Variants in RAB5C observed in about 807,000 individuals in gnomAD.
The protein encoded by RAB5C is ras-related protein Rab-5C.
Under a neutral mutation model 25.2 loss-of-function variants are expected in RAB5C, and 4 were observed. The ratio of observed to expected loss-of-function variants is 0.16; its 90% CI spans 0.08 to 0.36. RAB5C has a LOEUF of 0.36. RAB5C is among the 10% of genes least tolerant of loss of function. RAB5C has a pLI of 1.00. For missense variants in RAB5C, 199 were observed against 283.8 expected (o/e 0.70, Z 2.15); for synonymous variants, 100 against 106.4 (o/e 0.94, Z 0.37).
chr17:42,125,634 A>G lies in RAB5C; in HGVS notation c.*149T>C. On this transcript the variant is annotated 3_prime_UTR_variant, in exon 6 of 6. Transcript: ENST00000346213. ...CAGGTGGAATGACTCACTCCGGCCT[A>G]TGATCAAAATTATATGGAGAAATCA... 1 of 598,018 alleles carries G rather than the reference A, an allele frequency of 1.7e-6. No homozygotes were observed. Among genetic ancestry groups the G allele is most frequent in the East Asian group, 2.8e-5 (1 of 35,698 alleles). 37.0% of individuals were successfully genotyped at this position (598,018 alleles called of 1,614,324 possible).
chr17:42,140,261 C>T (rs1485891440), intron 1 of RAB5C, among the ~76,000 whole-genome samples: 1 of 152,002 alleles, frequency 6.6e-6, no homozygotes, highest in African/African-American at 2.4e-5. Flanking sequence ...AAATCACTGC[C>T]CCTTTGTTTT....
rs200190483 is a variant in RAB5C, at chr17:42,145,531, C to A, written c.-89+9362G>T. 9.8e-5 allele frequency among the ~76,000 whole-genome samples: 15 copies of A among 152,340 alleles called. No individual in the cohort carries two copies. In the East Asian group the frequency reaches 2.9e-3, roughly 29 times the overall value. On this transcript the variant is annotated intron_variant, in intron 1 of 5. Transcript: ENST00000346213. ...GGACACAGCCAGGCGTGTTAGCTCACGCATGTAATCCCACCACTTTGGGAA... is the reference window on the plus strand; with the variant it reads ...GGACACAGCCAGGCGTGTTAGCTCAAGCATGTAATCCCACCACTTTGGGAA...
intron 1 of RAB5C, among the ~76,000 whole-genome samples, chr17:42,137,314 G>GAAAAAAAAAA: frequency 1.0e-5 from 1 of 98,628 alleles, no homozygotes; most frequent in Admixed American, 1.0e-4. Flanking sequence ...TCAAAAAAAA[G>GAAAAAAAAAA]AAAAAAAAAA....
intron 1 of RAB5C, among the ~76,000 whole-genome samples, chr17:42,133,055 G>C (rs1308815221): frequency 1.3e-5 from 2 of 152,182 alleles, no homozygotes; most frequent in African/African-American, 4.8e-5. Flanking sequence ...GGTCCAGGAA[G>C]GTCTAGCTCT....
chr17:42,144,494 A>G (rs2079620237), intron 1 of RAB5C, among the ~76,000 whole-genome samples: 1 of 150,904 alleles, frequency 6.6e-6, no homozygotes. Flanking sequence ...AATGGGGGAA[A>G]ATAGACAAGT....
At chr17:42,147,106 CAGAAAGAAAGAAAGAAACAGAA>C (rs1487417473) in intron 1 of RAB5C, among the ~76,000 whole-genome samples, 1 of 145,902 alleles carries the variant, frequency 6.9e-6, no homozygotes, top group South Asian at 2.2e-4. Context: ...GAAGGAAAGA[CAGAAAGAAAGAAAGAAACAGAA>C]AGAAAGAAAG....
chr17:42,130,712 C>T, intron 1 of RAB5C, 122 bp from the exon 2 acceptor site: 1 of 1,250,730 alleles, frequency 8.0e-7, no homozygotes, highest in Non-Finnish European at 1.1e-6. Flanking sequence ...TTCCCCTCAC[C>T]TCACCTCCCT....
Position 42,154,105 on chromosome 17 carries a change from G to A in RAB5C, c.-89+788C>T, listed in dbSNP as rs114461627. Among the ~76,000 whole-genome samples, 1,448 of 152,228 alleles carry A rather than the reference G, an allele frequency of 9.5e-3. 25 individuals carry two copies. Among genetic ancestry groups the A allele is most frequent in the African/African-American group, 0.033 (1,370 of 41,538 alleles). On this transcript the variant is annotated intron_variant, in intron 1 of 5. Transcript: ENST00000346213. ...TTGAGGCGGCTGGGAAACCACTCAC[G>A]TGCTCTGGGAGGACAGAGCTGAGCC... is the stretch of plus-strand genomic sequence containing the variant.
At chr17:42,145,988 A>G (rs542385585) in intron 1 of RAB5C, among the ~76,000 whole-genome samples, 1 of 152,026 alleles carries the variant, frequency 6.6e-6, no homozygotes, top group South Asian at 2.1e-4. Context: ...TGTATTTTTA[A>G]TAGAGATGAG....
At position 42,128,649 on chromosome 17, in the gene RAB5C, T is replaced by C. The variant is rs1392577729; in HGVS notation, c.318A>G (p.Thr106=). 1 of 1,478,898 alleles carries C rather than the reference T, an allele frequency of 6.8e-7. No individual in the cohort carries two copies. The highest frequency in any genetic ancestry group is 1.8e-4 in the Middle Eastern group (1 of 5,486). The allele number at this position is 1,478,898 out of a possible 1,614,324, so 91.6% of individuals were successfully genotyped here. The part of the protein sequence containing the change: ...AAIVVYDITN[T]DTFARAKNWV... ...GGAAGAAGCAAGGGGAAATCTTTACTGTGTTGGTGATGTCATAGACCACGA... is the reference window on the plus strand; with the variant it reads ...GGAAGAAGCAAGGGGAAATCTTTACCGTGTTGGTGATGTCATAGACCACGA... The change falls in exon 3 of 6, where the codon ACA becomes ACG. Residue 106 remains threonine (T), a splice_region_variant and synonymous_variant. Transcript: ENST00000346213.
intron 1 of RAB5C, chr17:42,136,506 T>C (rs2054538004): frequency 6.6e-6 from 1 of 152,104 alleles, no homozygotes; most frequent in Non-Finnish European, 1.5e-5. Context: ...CACTCCACCG[T>C]TTATTAGCCG....
chr17:42,132,774 C>T, intron 1 of RAB5C, among the ~76,000 whole-genome samples: 1 of 152,014 alleles, frequency 6.6e-6, no homozygotes, highest in Non-Finnish European at 1.5e-5. Context: ...CCTCAAGCAA[C>T]CCTCCCGCCT....
chr17:42,151,537 G>A (rs1304589014), intron 1 of RAB5C, among the ~76,000 whole-genome samples: 2 of 152,138 alleles, frequency 1.3e-5, no homozygotes, highest in African/African-American at 2.4e-5. Context: ...TCTAGTGACA[G>A]GAGCTCCTGG....
At chr17:42,141,501 G>A (rs976306523) in intron 1 of RAB5C, among the ~76,000 whole-genome samples, 1 of 152,140 alleles carries the variant, frequency 6.6e-6, no homozygotes, top group African/African-American at 2.4e-5. Flanking sequence ...GCAAGTGAAC[G>A]GGGGAAGTTG....
Position 42,125,829 on chromosome 17 carries a change from A to G in RAB5C, c.605T>C (p.Leu202Pro). The change falls in exon 6 of 6, where the codon CTC (leucine) becomes CCC (proline). Residue 202 changes from leucine (L) to proline (P), a missense_variant. Leu to Pro is a moderately conservative substitution (Grantham distance 98, BLOSUM62 -3). Around this residue, in one of 3 missense-constraint regions of RAB5C, gnomAD observed 154 missense variants for 199.6 expected, o/e 0.77. Transcript: ENST00000346213. Reference protein sequence around the residue: ...GAPGRNRGVDLQENNPASRSQ... With the variant: ...GAPGRNRGVDPQENNPASRSQ... Reference sequence around the variant, plus strand: ...CCGGCTGGCTGGGTTGTTCTCCTGGAGGTCCACACCTCGGTTTCGGCCTGG... The same window carrying G: ...CCGGCTGGCTGGGTTGTTCTCCTGGGGGTCCACACCTCGGTTTCGGCCTGG... 1.2e-6 allele frequency: 2 copies of G among 1,611,334 alleles called. No homozygotes were observed. The highest frequency in any genetic ancestry group is 1.7e-6 in the Non-Finnish European group (2 of 1,179,090).
chr17:42,150,707 A>T (rs2144102231), intron 1 of RAB5C, among the ~76,000 whole-genome samples: 1 of 150,556 alleles, frequency 6.6e-6, no homozygotes, highest in Non-Finnish European at 1.5e-5. Flanking sequence ...CTCTACAAAA[A>T]TACCAAAAAA....
At chr17:42,147,268 T>C (rs1412009881) in intron 1 of RAB5C, among the ~76,000 whole-genome samples, 5 of 152,122 alleles carry the variant, frequency 3.3e-5, no homozygotes, top group Admixed American at 6.5e-5. Flanking sequence ...GGAATACACA[T>C]GTGAGGGCTG....
At chr17:42,140,037 C>A (rs1435878019) in intron 1 of RAB5C, among the ~76,000 whole-genome samples, 3 of 152,150 alleles carry the variant, frequency 2.0e-5, no homozygotes, top group Non-Finnish European at 4.4e-5. Context: ...CCCGTCTTCC[C>A]CCCGTCTCAA....
At chr17:42,140,415 T>A (rs1036589115) in intron 1 of RAB5C, among the ~76,000 whole-genome samples, 3 of 147,252 alleles carry the variant, frequency 2.0e-5, no homozygotes, top group Admixed American at 1.4e-4. Flanking sequence ...AAAGTCAAAG[T>A]TCTCAGTGGG....
Sources: allele counts gnomAD v4.1 joint callset (sites outside exome capture counted in the v4.1 genomes callset), GRCh38; gene constraint gnomAD v4.1.1; regional missense constraint gnomAD v4.1.1; transcripts MANE v1.5; gene names NCBI Gene and HGNC (gene_info 2026-07-23, HGNC 2026-07-21).